DOCK9: variants seen among roughly 807,000 people sequenced by gnomAD.
The protein encoded by DOCK9 is dedicator of cytokinesis 9, also known as dedicator of cytokinesis protein 9.
Under a neutral mutation model 263.3 loss-of-function variants are expected in DOCK9, and 89 were observed. The observed-to-expected ratio is 0.34, with a 90% CI of 0.28 to 0.40. The LOEUF (loss-of-function observed/expected upper bound fraction) is 0.40, where lower values mean the gene tolerates loss of function less well. DOCK9 is among the 10% of genes least tolerant of loss of function. DOCK9 has a pLI of 1.00. For synonymous variants in DOCK9, 976 were observed against 973.1 expected, an observed-to-expected ratio of 1.00 and a Z score of -0.06; for missense variants, 2,140 against 2,603.4, an observed-to-expected ratio of 0.82 and a Z score of 3.87.
upstream of DOCK9, among the ~76,000 whole-genome samples, chr13:98,979,261 TTCAG>T (rs923980353): frequency 4.9e-5 from 7 of 141,420 alleles, no homozygotes; most frequent in African/African-American, 1.8e-4. Context: ...AGCAGCAGTA[TTCAG>T]TCAGTCAACA....
At chr13:98,966,256 T>C (rs1367664716) in intron 1 of DOCK9, among the ~76,000 whole-genome samples, 4 of 152,182 alleles carry the variant, frequency 2.6e-5, no homozygotes, top group Non-Finnish European at 5.9e-5. Context: ...GTGCTTCATG[T>C]GTCTTCTCCC....
At chr13:99,079,650 T>G (rs181965709) in intron 1 of DOCK9, among the ~76,000 whole-genome samples, 11 of 152,356 alleles carry the variant, frequency 7.2e-5, no homozygotes, top group Non-Finnish European at 5.9e-5. Flanking sequence ...GGGCAACGTA[T>G]GTTGCTCGAA....
At chr13:98,862,844 G>A (rs1296583846) in intron 32 of DOCK9, among the ~76,000 whole-genome samples, 175 bp downstream of exon 32, 1 of 152,166 alleles carries the variant, frequency 6.6e-6, no homozygotes, top group Non-Finnish European at 1.5e-5. Context: ...AGAGGAGCAT[G>A]GCCCATGAGC....
chr13:98,816,351 G>A (rs1486045772), intron 45 of DOCK9, among the ~76,000 whole-genome samples: 1 of 152,088 alleles, frequency 6.6e-6, no homozygotes, highest in African/African-American at 2.4e-5. Flanking sequence ...GTAAGACACG[G>A]AGGACAGAGG....
At chr13:98,978,080 A>C (rs538351372), upstream of DOCK9, 43 of 1,420,822 alleles carry the variant, frequency 3.0e-5, no homozygotes, top group African/African-American at 5.9e-4. Context: ...GTGGGAAGGC[A>C]TGACAGCAAA....
At chr13:98,933,038 C>T (rs1345891791) in intron 2 of DOCK9, among the ~76,000 whole-genome samples, 1 of 152,146 alleles carries the variant, frequency 6.6e-6, no homozygotes, top group African/African-American at 2.4e-5. Flanking sequence ...AGGACGGGTG[C>T]TACCTCAAAA....
intron 45 of DOCK9, among the ~76,000 whole-genome samples, chr13:98,813,682 C>G (rs537829295): frequency 6.4e-4 from 97 of 152,170 alleles, no homozygotes; most frequent in African/African-American, 2.3e-3. Context: ...TCTTGTTGCC[C>G]AGGCTGGAGT....
intron 1 of DOCK9, chr13:99,015,430 A>G (rs769457341): frequency 1.3e-6 from 2 of 1,564,972 alleles, no homozygotes; most frequent in Non-Finnish European, 8.6e-7. Flanking sequence ...TTGTTAATTA[A>G]GCAAGATAGC....
At chr13:99,032,889 T>A (rs1210677653) in intron 1 of DOCK9, among the ~76,000 whole-genome samples, 1 of 152,184 alleles carries the variant, frequency 6.6e-6, no homozygotes, top group Non-Finnish European at 1.5e-5. Context: ...AAATCAGGAG[T>A]AGTGAGGTTA....
intron 1 of DOCK9, among the ~76,000 whole-genome samples, chr13:99,060,299 G>C (rs545749999): frequency 2.6e-5 from 4 of 151,726 alleles, no homozygotes; most frequent in Non-Finnish European, 5.9e-5. Flanking sequence ...GGATGGTCTC[G>C]ATCTCCTGAC....
At position 98,922,121 on chromosome 13, in the gene DOCK9, T is replaced by G; in HGVS notation, c.512A>C (p.Lys171Thr). Residue 171 changes from lysine (K) to threonine (T), a missense_variant, in exon 6 of 53, where the codon AAG (lysine) becomes ACG (threonine). By Grantham distance (78) the Lys-to-Thr change is moderately conservative. Around this residue, in one of 2 missense-constraint regions of DOCK9, gnomAD observed 1,521 missense variants for 1,741.7 expected, o/e 0.87. Coordinates refer to ENST00000682017, the MANE Select transcript of DOCK9 (RefSeq NM_001366683.2). The stretch of plus-strand genomic sequence containing the variant: ...CCAGCCATGCTTGGTGATCCCACCC[T>G]TCTGGGAACCAAGGGAGGCAGCATC... ...DEDAASLGSQ[K>T]GGITKHGWLY... 1 of 1,599,244 alleles carries G rather than the reference T, an allele frequency of 6.3e-7. No homozygotes were observed. Among genetic ancestry groups the G allele is most frequent in the Non-Finnish European group, 8.5e-7 (1 of 1,173,152 alleles).
At chr13:99,086,490 GC>G in exon 1 of DOCK9, 2 of 471,622 alleles carry the variant, frequency 4.2e-6, no homozygotes, top group Non-Finnish European at 5.5e-6. Flanking sequence ...CCCGCTGCTC[GC>G]CGCGAGTCCG....
intron 34 of DOCK9, among the ~76,000 whole-genome samples, chr13:98,854,075 G>A (rs965860912): frequency 8.5e-5 from 13 of 152,062 alleles, no homozygotes; most frequent in Non-Finnish European, 1.6e-4. Context: ...GTGCCCAACC[G>A]GGACAAACAG....
upstream of DOCK9, among the ~76,000 whole-genome samples, chr13:99,087,099 CCTTT>C (rs1021825883): frequency 1.3e-5 from 2 of 152,138 alleles, no homozygotes; most frequent in African/African-American, 4.8e-5. Context: ...AGGAAAGTAG[CCTTT>C]ATTTATGTGG....
In DOCK9 at chr13:98,860,439, C is replaced by T; in HGVS notation, c.3663G>A (p.Leu1221=). ...AGATGGCGCCCAGCAGGTCCTTGTGCAGGCTGTTGTCCAGGGTGCTTCCCT... is the reference window on the plus strand; with the variant it reads ...AGATGGCGCCCAGCAGGTCCTTGTGTAGGCTGTTGTCCAGGGTGCTTCCCT... ...PQKGSTLDNS[L]HKDLLGAISG... The change falls in exon 33 of 53, where the codon CTG becomes CTA. Residue 1221 remains leucine (L), a synonymous_variant. Coordinates refer to ENST00000682017, the MANE Select transcript of DOCK9 (RefSeq NM_001366683.2). 2 of 1,593,386 alleles carry T rather than the reference C, an allele frequency of 1.3e-6. No individual in the cohort carries two copies. The highest frequency in any genetic ancestry group is 1.7e-6 in the Non-Finnish European group (2 of 1,169,042).
At chr13:98,974,323 A>C (rs1273812487) in intron 1 of DOCK9, among the ~76,000 whole-genome samples, 1 of 152,138 alleles carries the variant, frequency 6.6e-6, no homozygotes, top group Non-Finnish European at 1.5e-5. Context: ...AGAAATGGGG[A>C]AGTTTCACCA....
chr13:98,878,274 C>G (rs1394686203), intron 27 of DOCK9, among the ~76,000 whole-genome samples: 3 of 152,098 alleles, frequency 2.0e-5, no homozygotes, highest in East Asian at 3.8e-4. Flanking sequence ...TTATGGCAAC[C>G]CTAGCAAATG....
At chr13:98,812,073 ACT>A (rs368812330) in intron 45 of DOCK9, among the ~76,000 whole-genome samples, 7 of 142,402 alleles carry the variant, frequency 4.9e-5, no homozygotes, top group East Asian at 2.0e-4. Context: ...CCATTTCTGG[ACT>A]CTCTGTTTTG....
chr13:99,073,155 G>A (rs994522286), intron 1 of DOCK9, among the ~76,000 whole-genome samples: 4 of 152,038 alleles, frequency 2.6e-5, no homozygotes, highest in Admixed American at 6.5e-5. Flanking sequence ...GATAACCATC[G>A]CAACCAGATA....
Sources: gnomAD v4.1 joint callset for allele counts (sites outside exome capture counted in the v4.1 genomes callset) on GRCh38, gnomAD v4.1.1 for gene constraint, gnomAD v4.1.1 regional missense constraint, MANE v1.5 for transcripts, NCBI Gene and HGNC (gene_info 2026-07-23, HGNC 2026-07-21) for gene names.